Variants in NUP35 observed in about 807,000 individuals in gnomAD.
The protein encoded by NUP35 is nucleoporin 35, also known as nucleoporin NUP35.
Under a neutral mutation model 41.5 loss-of-function variants are expected in NUP35, and 25 were observed. That is an observed-to-expected ratio of 0.60 (90% CI 0.44 to 0.84). The LOEUF (loss-of-function observed/expected upper bound fraction) is 0.84. NUP35 is among the 40% of genes least tolerant of loss of function. The probability of loss-of-function intolerance (pLI) is 0.00; values close to 1 mark genes in which losing one functional copy is unlikely to be tolerated. For missense variants in NUP35, 396 were observed against 396.6 expected (o/e 1.00, Z 0.01); for synonymous variants, 149 against 130.7 (o/e 1.14, Z -0.96).
chr2:183,158,268 T>C lies in NUP35; in HGVS notation c.610-15T>C. On this transcript the variant is annotated splice_polypyrimidine_tract_variant and intron_variant, in intron 6 of 8. Transcript: ENST00000295119. ...ATATATTTTCTATTTTAAGAGACAG[T>C]TTTATTCTTTGCAGATGTCTAATAC... 1 of 1,519,838 alleles carries C rather than the reference T, an allele frequency of 6.6e-7. No homozygotes were observed. The highest frequency in any genetic ancestry group is 8.9e-7 in the Non-Finnish European group (1 of 1,124,766). 94.1% of individuals were successfully genotyped at this position (1,519,838 alleles called of 1,614,324 possible). A position where few individuals can be genotyped will look rare whatever the true frequency, so the allele number is the denominator to read the frequency against.
At chr2:183,120,311 C>T (rs1217823688), upstream of NUP35, among the ~76,000 whole-genome samples, 7 of 151,872 alleles carry the variant, frequency 4.6e-5, no homozygotes, top group Admixed American at 1.3e-4. Context: ...CCGGGTGTGG[C>T]GGTGTACACC....
At chr2:183,130,677 T>G in intron 3 of NUP35, 132 bp downstream of exon 3, 1 of 972,372 alleles carries the variant, frequency 1.0e-6, no homozygotes, top group Non-Finnish European at 1.6e-6. Context: ...GAATAAACAT[T>G]AAACACATCA....
At chr2:183,148,034 A>G (rs937491417) in intron 4 of NUP35, among the ~76,000 whole-genome samples, 4 of 151,628 alleles carry the variant, frequency 2.6e-5, no homozygotes, top group Non-Finnish European at 1.5e-5. Flanking sequence ...TTTTTTAAGC[A>G]CTCGCTTATG....
intron 4 of NUP35, among the ~76,000 whole-genome samples, chr2:183,136,974 C>G (rs1285472865): frequency 6.6e-6 from 1 of 152,096 alleles, no homozygotes; most frequent in Non-Finnish European, 1.5e-5. Flanking sequence ...CTTGTAATCC[C>G]AGCTACTTGG....
chr2:183,122,879 CTG>C (rs1315067935), upstream of NUP35, among the ~76,000 whole-genome samples: 1 of 109,572 alleles, frequency 9.1e-6, no homozygotes, highest in Non-Finnish European at 2.1e-5. Flanking sequence ...GCTTTAGAAT[CTG>C]TGAATGTTAC....
Position 183,151,621 on chromosome 2 carries a change from C to T in NUP35, c.511C>T (p.Leu171Phe), listed in dbSNP as rs866461696. The T allele has an allele frequency of 1.2e-6, 2 of 1,613,956 alleles. No homozygotes were observed. Among genetic ancestry groups the T allele is most frequent in the Middle Eastern group, 3.3e-4 (2 of 6,058 alleles). ...AGATTCTTTGACTTCAGAAGATCAC[C>T]TCGATGACTCTTGGGTGACTGTATT... is the stretch of plus-strand genomic sequence containing the variant. ...QGDSLTSEDHLDDSWVTVFGF... is the reference protein window; with the variant it reads ...QGDSLTSEDHFDDSWVTVFGF... Residue 171 changes from leucine (L) to phenylalanine (F), a missense_variant, in exon 5 of 9, where the codon CTC becomes TTC. By Grantham distance (22) the Leu-to-Phe change is conservative (BLOSUM62 0). Transcript: ENST00000295119.
chr2:183,134,826 G>A (rs528926945), intron 4 of NUP35, among the ~76,000 whole-genome samples: 147 of 150,214 alleles, frequency 9.8e-4, no homozygotes, highest in African/African-American at 3.4e-3. Context: ...GGGTGTCACC[G>A]TCTTGGCCAG....
chr2:183,145,878 C>A (rs969705365), intron 4 of NUP35, among the ~76,000 whole-genome samples: 2 of 152,076 alleles, frequency 1.3e-5, no homozygotes, highest in African/African-American at 4.8e-5. Flanking sequence ...AAAGAGTTAT[C>A]AAGTAAAAAC....
chr2:183,129,983 A>G (rs530523478), intron 2 of NUP35, among the ~76,000 whole-genome samples: 2 of 152,220 alleles, frequency 1.3e-5, no homozygotes, highest in South Asian at 2.1e-4. Context: ...CAAACTCTAC[A>G]TAGGGAATTG....
chr2:183,133,049 T>A (rs1684750175), intron 3 of NUP35, among the ~76,000 whole-genome samples: 1 of 152,216 alleles, frequency 6.6e-6, no homozygotes, highest in African/African-American at 2.4e-5. Flanking sequence ...CTTAATTTTC[T>A]TATATTTAAA....
At chr2:183,148,442 T>C (rs1004725460) in intron 4 of NUP35, among the ~76,000 whole-genome samples, 1 of 152,216 alleles carries the variant, frequency 6.6e-6, no homozygotes, top group African/African-American at 2.4e-5. Flanking sequence ...TGAGTTCTCT[T>C]TTCTCTGCAT....
intron 1 of NUP35, among the ~76,000 whole-genome samples, chr2:183,126,642 G>GTTT (rs71008267): frequency 0.016 from 2,343 of 145,816 alleles, 31 homozygotes; most frequent in South Asian, 0.052. Context: ...TATTGAATTT[G>GTTT]TTTTTTTTTT....
chr2:183,139,212 CT>C (rs199676886), intron 4 of NUP35, among the ~76,000 whole-genome samples: 39 of 65,660 alleles, frequency 5.9e-4, no homozygotes, highest in Non-Finnish European at 1.0e-3. Context: ...TTCTTTCTTT[CT>C]TTTTTTTTTT....
At chr2:183,132,198 T>G (rs1004023028) in intron 3 of NUP35, among the ~76,000 whole-genome samples, 5 of 152,024 alleles carry the variant, frequency 3.3e-5, no homozygotes, top group African/African-American at 1.2e-4. Context: ...AACTTTTGTA[T>G]TTTTTGTAGA....
In NUP35 at chr2:183,157,526, T is replaced by A; in HGVS notation, c.609+13T>A. ...CTTAAAACATGTGGTAAGGCTTAAT[T>A]TTTTTCAGTTCAGAGTTTTGACTAA... On this transcript the variant is annotated intron_variant, in intron 6 of 8. Coordinates refer to ENST00000295119, the MANE Select transcript of NUP35 (RefSeq NM_138285.5). 1 of 1,567,414 alleles carries A rather than the reference T, an allele frequency of 6.4e-7. No homozygotes were observed. The highest frequency in any genetic ancestry group is 8.8e-7 in the Non-Finnish European group (1 of 1,138,668).
At chr2:183,150,692 A>G (rs1383223152) in intron 4 of NUP35, among the ~76,000 whole-genome samples, 1 of 152,162 alleles carries the variant, frequency 6.6e-6, no homozygotes, top group East Asian at 1.9e-4. Flanking sequence ...GTAGGCTCCA[A>G]TAGGGATGGA....
At chr2:183,123,915 C>A (rs1700104452), upstream of NUP35, 2 of 557,828 alleles carry the variant, frequency 3.6e-6, no homozygotes, top group Non-Finnish European at 4.5e-6. Context: ...AACAAAACGG[C>A]GTATGAGTTA....
chr2:183,133,719 A>G (rs993907492), intron 4 of NUP35, 96 bp downstream of exon 4: 5 of 692,014 alleles, frequency 7.2e-6, no homozygotes, highest in Non-Finnish European at 1.1e-5. Context: ...GGAGTAAACA[A>G]CTCTGACACC....
At position 183,161,139 on chromosome 2, in the gene NUP35, C is replaced by A. The variant is rs762537479; in HGVS notation, c.*8C>A. 3 of 1,605,498 alleles carry A rather than the reference C, an allele frequency of 1.9e-6. No individual in the cohort carries two copies. Among genetic ancestry groups the A allele is most frequent in the Non-Finnish European group, 1.7e-6 (2 of 1,173,204 alleles). On this transcript the variant is annotated 3_prime_UTR_variant, in exon 9 of 9. Coordinates refer to ENST00000295119, the MANE Select transcript of NUP35 (RefSeq NM_138285.5). ...TACATGTTTGGCTGGTAGTAGAACA[C>A]CAAGAAGGAGGTTGCTACACTAAAA...
Sources: gnomAD v4.1 joint callset for allele counts (sites outside exome capture counted in the v4.1 genomes callset) on GRCh38, gnomAD v4.1.1 for gene constraint, MANE v1.5 for transcripts, NCBI Gene and HGNC (gene_info 2026-07-23, HGNC 2026-07-21) for gene names.